Variants in ASAP1 observed in about 807,000 individuals in gnomAD.
ASAP1 encodes the protein arf-GAP with SH3 domain, ANK repeat and PH domain-containing protein 1.
A neutral mutation model predicts 145.2 loss-of-function variants in ASAP1; 43 were observed. The observed-to-expected ratio is 0.30, with a 90% confidence interval of 0.23 to 0.38. The LOEUF is 0.38. ASAP1 is among the 10% of genes least tolerant of loss of function. The probability of loss-of-function intolerance (pLI) is 1.00; values close to 1 mark genes in which losing one functional copy is unlikely to be tolerated. For synonymous variants in ASAP1, 546 were observed against 515.5 expected (o/e 1.06, Z -0.80); for missense variants, 1,018 against 1,355.3 (o/e 0.75, Z 3.91).
intron 3 of ASAP1, among the ~76,000 whole-genome samples, chr8:130,311,761 C>CAAAAAAAAAAAAAAAAAAAAAAAAAAAAA (rs201264577): frequency 1.2e-5 from 1 of 85,366 alleles, no homozygotes; most frequent in Non-Finnish European, 2.1e-5. Flanking sequence ...AACTCCGTCT[C>CAAAAAAAAAAAAAAAAAAAAAAAAAAAAA]AAAAAAAAAA....
At chr8:130,128,872 T>G (rs763748621) in intron 15 of ASAP1, among the ~76,000 whole-genome samples, 1 of 152,190 alleles carries the variant, frequency 6.6e-6, no homozygotes, top group African/African-American at 2.4e-5. Flanking sequence ...GCTCATAATA[T>G]AGTGTTTTGT....
intron 4 of ASAP1, among the ~76,000 whole-genome samples, chr8:130,216,002 AAGGAAAGG>A (rs1173359967): frequency 7.1e-6 from 1 of 141,070 alleles, no homozygotes; most frequent in Non-Finnish European, 1.6e-5. Flanking sequence ...AAGGAAAGGA[AAGGAAAGG>A]AAAGGAAAAA....
chr8:130,435,984 A>T (rs1411943619), intron 1 of ASAP1, among the ~76,000 whole-genome samples: 1 of 152,200 alleles, frequency 6.6e-6, no homozygotes, highest in Non-Finnish European at 1.5e-5. Context: ...CTGCTACCCA[A>T]GATAGGTGGG....
At chr8:130,443,198 C>G (rs957787991) in intron 1 of ASAP1, among the ~76,000 whole-genome samples, 1 of 151,636 alleles carries the variant, frequency 6.6e-6, no homozygotes, top group Non-Finnish European at 1.5e-5. Context: ...CTCTCCCGAG[C>G]TGGAGGCGAG....
intron 12 of ASAP1, among the ~76,000 whole-genome samples, chr8:130,153,395 G>T (rs2097651720): frequency 7.8e-6 from 1 of 127,718 alleles, no homozygotes; most frequent in African/African-American, 3.1e-5. Flanking sequence ...TTTGAGACAG[G>T]GTCTTGCTCT....
chr8:130,256,780 T>TATATCC (rs1819591404), intron 3 of ASAP1, among the ~76,000 whole-genome samples: 1 of 131,464 alleles, frequency 7.6e-6, no homozygotes, highest in African/African-American at 2.8e-5. Context: ...TATATATATA[T>TATATCC]ATCCTTATAT....
At chr8:130,167,966 A>G (rs981620422) in intron 10 of ASAP1, among the ~76,000 whole-genome samples, 4 of 152,218 alleles carry the variant, frequency 2.6e-5, no homozygotes, top group Non-Finnish European at 5.9e-5. Context: ...TAAATGGTCC[A>G]GGAGAGAATC....
chr8:130,282,982 A>G (rs2137205662), intron 3 of ASAP1, among the ~76,000 whole-genome samples: 1 of 152,344 alleles, frequency 6.6e-6, no homozygotes, highest in East Asian at 1.9e-4. Flanking sequence ...GGGAAAGGGG[A>G]TGCACTATTA....
chr8:130,271,690 T>G (rs1434691403), intron 3 of ASAP1, among the ~76,000 whole-genome samples: 2 of 152,218 alleles, frequency 1.3e-5, no homozygotes, highest in African/African-American at 2.4e-5. Flanking sequence ...GATGGGCTGA[T>G]CACCCACTGA....
intron 5 of ASAP1, among the ~76,000 whole-genome samples, chr8:130,193,527 T>A (rs535168824): frequency 1.1e-4 from 16 of 152,234 alleles, no homozygotes; most frequent in African/African-American, 2.9e-4. Flanking sequence ...TTTTGCATTT[T>A]AAAAAAATTG....
intron 3 of ASAP1, among the ~76,000 whole-genome samples, chr8:130,292,402 C>T (rs950433373): frequency 6.6e-6 from 1 of 152,152 alleles, no homozygotes; most frequent in Non-Finnish European, 1.5e-5. Context: ...CAATTATCTG[C>T]CTGCCCCCCA....
At chr8:130,114,923 G>A (rs1022494892) in intron 23 of ASAP1, among the ~76,000 whole-genome samples, 1 of 151,848 alleles carries the variant, frequency 6.6e-6, no homozygotes, top group Non-Finnish European at 1.5e-5. Flanking sequence ...ACGTTTTATT[G>A]ATTGATCCAT....
intron 5 of ASAP1, among the ~76,000 whole-genome samples, chr8:130,208,128 C>T (rs568430373): frequency 7.1e-4 from 108 of 152,284 alleles, no homozygotes; most frequent in Non-Finnish European, 1.2e-3. Flanking sequence ...AATTGTAAAA[C>T]TAGTAGAGAG....
chr8:130,412,631 T>A (rs1320618637), intron 1 of ASAP1, among the ~76,000 whole-genome samples: 2 of 152,042 alleles, frequency 1.3e-5, no homozygotes, highest in Non-Finnish European at 2.9e-5. Flanking sequence ...TCTAGCAGAA[T>A]AAATAACAAT....
intron 3 of ASAP1, among the ~76,000 whole-genome samples, chr8:130,280,196 G>A (rs537926162): frequency 6.6e-6 from 1 of 152,298 alleles, no homozygotes; most frequent in African/African-American, 2.4e-5. Flanking sequence ...GATTTTACCA[G>A]ACCAGTGCTT....
intron 3 of ASAP1, among the ~76,000 whole-genome samples, chr8:130,238,624 T>A (rs569466623): frequency 6.6e-6 from 1 of 152,288 alleles, no homozygotes; most frequent in African/African-American, 2.4e-5. Flanking sequence ...ATATAAGATA[T>A]ATACACTTTC....
At chr8:130,147,056 T>C (rs907166370) in intron 13 of ASAP1, among the ~76,000 whole-genome samples, 43 of 151,604 alleles carry the variant, frequency 2.8e-4, no homozygotes, top group Admixed American at 5.3e-4. Flanking sequence ...TGAAACCCCG[T>C]CTCTACTAAA....
chr8:130,256,759 A>ATATATATATATATATATATCCT (rs1819576238), intron 3 of ASAP1, among the ~76,000 whole-genome samples: 2 of 95,752 alleles, frequency 2.1e-5, no homozygotes, highest in Non-Finnish European at 4.7e-5. Context: ...ATATATATAT[A>ATATATATATATATATATATCCT]TATATATATA....
intron 6 of ASAP1, 73 bp downstream of exon 6, chr8:130,188,036 T>TA: frequency 9.4e-7 from 1 of 1,069,282 alleles, no homozygotes; most frequent in South Asian, 1.3e-5. Flanking sequence ...CAAGTACTAC[T>TA]ATGATCTTGA....
Sources: gnomAD v4.1 joint callset for allele counts (sites outside exome capture counted in the v4.1 genomes callset) on GRCh38, gnomAD v4.1.1 for gene constraint, MANE v1.5 for transcripts, NCBI Gene and HGNC (gene_info 2026-07-23, HGNC 2026-07-21) for gene names.